SLC5A11: variants seen among roughly 807,000 people sequenced by gnomAD.
SLC5A11 encodes sodium/myo-inositol cotransporter 2.
SLC5A11 carries 48 observed loss-of-function variants against 69.8 expected under a neutral mutation model. The observed-to-expected ratio is 0.69, with a 90% confidence interval of 0.55 to 0.87. SLC5A11 has a LOEUF of 0.87. SLC5A11 is among the 40% of genes least tolerant of loss of function. The pLI is 0.00. For synonymous variants in SLC5A11, 319 were observed against 342.4 expected, an observed-to-expected ratio of 0.93 and a Z score of 0.75; for missense variants, 784 against 866.1, an observed-to-expected ratio of 0.91 and a Z score of 1.19.
At chr16:24,862,888 T>C (rs550530873) in intron 3 of SLC5A11, among the ~76,000 whole-genome samples, 1 of 145,282 alleles carries the variant, frequency 6.9e-6, no homozygotes, top group Non-Finnish European at 1.5e-5. Context: ...TGGAGTTAGG[T>C]TTTAAAAATA....
At chr16:24,867,572 A>G (rs1447141701) in intron 3 of SLC5A11, among the ~76,000 whole-genome samples, 1 of 152,192 alleles carries the variant, frequency 6.6e-6, no homozygotes, top group East Asian at 1.9e-4. Context: ...AATCAAAAAA[A>G]TCAAAAGTTT....
At chr16:24,902,731 G>T (rs1394010234) in intron 10 of SLC5A11, among the ~76,000 whole-genome samples, 2 of 152,046 alleles carry the variant, frequency 1.3e-5, no homozygotes, top group African/African-American at 4.8e-5. Context: ...TAGAGATGGG[G>T]TTTCTCCGTG....
chr16:24,875,820 C>A, intron 6 of SLC5A11, 89 bp downstream of exon 7: 1 of 1,031,488 alleles, frequency 9.7e-7, no homozygotes, highest in Non-Finnish European at 1.5e-6. Flanking sequence ...TCCTCGCTAT[C>A]CCCTTTCTCC....
chr16:24,846,250 G>A (rs2059008418), exon 1 of SLC5A11: 1 of 152,530 alleles, frequency 6.6e-6, no homozygotes, highest in Admixed American at 6.5e-5. Context: ...GGAGTTTGGA[G>A]TTTGACCCGC....
intron 9 of SLC5A11, among the ~76,000 whole-genome samples, chr16:24,893,033 G>T (rs1199590108): frequency 6.6e-6 from 1 of 151,166 alleles, no homozygotes; most frequent in African/African-American, 2.4e-5. Flanking sequence ...CACTTTGAGA[G>T]GTCAAGGCGG....
At chr16:24,877,976 A>T (rs1478713711) in intron 7 of SLC5A11, among the ~76,000 whole-genome samples, 3 of 151,362 alleles carry the variant, frequency 2.0e-5, no homozygotes, top group Non-Finnish European at 4.4e-5. Flanking sequence ...AGAGCGAGAC[A>T]CCAGCTCACA....
intron 1 of SLC5A11, among the ~76,000 whole-genome samples, chr16:24,853,980 C>A (rs531897661): frequency 2.6e-5 from 4 of 152,208 alleles, no homozygotes; most frequent in Admixed American, 1.3e-4. Flanking sequence ...ACGTCCCTCG[C>A]GGCCCCTGGC....
intron 2 of SLC5A11, 95 bp downstream of exon 3, chr16:24,858,873 T>A (rs1156799735): frequency 7.0e-7 from 1 of 1,428,544 alleles, no homozygotes; most frequent in Non-Finnish European, 9.3e-7. Flanking sequence ...GCTAAGATAC[T>A]GACTGTGAGA....
At chr16:24,891,134 TG>T in intron 9 of SLC5A11, 60 bp downstream of exon 10, 2 of 1,547,688 alleles carry the variant, frequency 1.3e-6, no homozygotes, top group Non-Finnish European at 1.8e-6. Context: ...TTAGGGTGGC[TG>T]AAGTCGGTGC....
At chr16:24,864,891 AT>A (rs1478910593) in intron 3 of SLC5A11, among the ~76,000 whole-genome samples, 1 of 152,148 alleles carries the variant, frequency 6.6e-6, no homozygotes, top group Non-Finnish European at 1.5e-5. Flanking sequence ...TCAACAACAG[AT>A]TTGAGCAGGC....
intron 8 of SLC5A11, among the ~76,000 whole-genome samples, chr16:24,884,419 C>A (rs1187705644): frequency 6.6e-6 from 1 of 152,002 alleles, no homozygotes; most frequent in Admixed American, 6.6e-5. Flanking sequence ...CAGCCTTGAG[C>A]CCCTGGGCTC....
chr16:24,875,565 T>G, intron 5 of SLC5A11, 62 bp from the exon 7 acceptor site: 2 of 1,341,172 alleles, frequency 1.5e-6, no homozygotes, highest in South Asian at 1.2e-5. Flanking sequence ...AGGGCTTGTG[T>G]GGGGGGGTCA....
chr16:24,895,239 G>A (rs866841301), intron 9 of SLC5A11, among the ~76,000 whole-genome samples: 3 of 151,946 alleles, frequency 2.0e-5, no homozygotes, highest in South Asian at 2.1e-4. Flanking sequence ...CTGTAATCCC[G>A]GCAAGTTAGG....
At chr16:24,866,574 C>CT (rs2046931017) in intron 3 of SLC5A11, among the ~76,000 whole-genome samples, 1 of 126,182 alleles carries the variant, frequency 7.9e-6, no homozygotes, top group South Asian at 2.5e-4. Context: ...GAGATCCTGT[C>CT]TAAAAAAAAA....
chr16:24,884,351 G>A (rs1005812698), intron 8 of SLC5A11, among the ~76,000 whole-genome samples: 1 of 152,002 alleles, frequency 6.6e-6, no homozygotes, highest in Non-Finnish European at 1.5e-5. Context: ...TTTGTTCTGA[G>A]GCAGGATCTT....
chr16:24,896,773 A>G (rs2152388510), intron 9 of SLC5A11, among the ~76,000 whole-genome samples: 1 of 152,114 alleles, frequency 6.6e-6, no homozygotes, highest in South Asian at 2.1e-4. Context: ...CTCTGATACT[A>G]CATCATCACA....
At chr16:24,902,642 G>T (rs1482944082) in intron 10 of SLC5A11, among the ~76,000 whole-genome samples, 1 of 151,240 alleles carries the variant, frequency 6.6e-6, no homozygotes, top group African/African-American at 2.4e-5. Flanking sequence ...CTGCCTCCTG[G>T]GTTGAAGCGA....
At chr16:24,850,786 G>C (rs1237654751) in intron 1 of SLC5A11, among the ~76,000 whole-genome samples, 1 of 151,848 alleles carries the variant, frequency 6.6e-6, no homozygotes, top group Non-Finnish European at 1.5e-5. Flanking sequence ...ATGTGGCCAA[G>C]GTTTGCCTAA....
chr16:24,901,929 A>AAAACACAC (rs2049628209), intron 10 of SLC5A11, among the ~76,000 whole-genome samples: 5 of 111,252 alleles, frequency 4.5e-5, no homozygotes, highest in African/African-American at 1.9e-4. Flanking sequence ...TGGAAAAAAA[A>AAAACACAC]ATACACACAC....
Sources: gnomAD v4.1 joint callset for allele counts (sites outside exome capture counted in the v4.1 genomes callset) on GRCh38, gnomAD v4.1.1 for gene constraint, MANE v1.5 for transcripts, NCBI Gene and HGNC (gene_info 2026-07-23, HGNC 2026-07-21) for gene names.